The following SYN3 variants were observed in gnomAD, a reference collection of about 807,000 sequenced individuals.
The protein encoded by SYN3 is synapsin III.
In SYN3, 35 loss-of-function variants were observed where a neutral mutation model predicts 65.8. The observed-to-expected ratio is 0.53, with a 90% CI of 0.41 to 0.70. The LOEUF is 0.70. SYN3 is among the 30% of genes least tolerant of loss of function. The pLI is 0.00. For missense variants in SYN3, 680 were observed against 749.0 expected (o/e 0.91, Z 1.08); for synonymous variants, 270 against 292.9 (o/e 0.92, Z 0.80).
intron 7 of SYN3, among the ~76,000 whole-genome samples, chr22:32,575,165 C>T (rs2058834098): frequency 6.6e-6 from 1 of 152,322 alleles, no homozygotes; most frequent in South Asian, 2.1e-4. Flanking sequence ...AACAGCTCCA[C>T]TAGGATCTGT....
chr22:32,888,911 T>G (rs532987257), intron 4 of SYN3, among the ~76,000 whole-genome samples: 20 of 152,352 alleles, frequency 1.3e-4, no homozygotes, highest in African/African-American at 4.6e-4. Flanking sequence ...TGATCTCTAT[T>G]GCCCAGTTTA....
intron 6 of SYN3, chr22:32,857,887 TA>T: frequency 7.1e-7 from 1 of 1,409,976 alleles, no homozygotes; most frequent in Non-Finnish European, 1.0e-6. Flanking sequence ...TAGGGTGAAA[TA>T]AAATCATGGG....
intron 6 of SYN3, among the ~76,000 whole-genome samples, chr22:32,671,664 C>G (rs2060369267): frequency 6.7e-6 from 1 of 149,826 alleles, no homozygotes; most frequent in African/African-American, 2.5e-5. Context: ...CACACGCTGT[C>G]ACACACGCTC....
chr22:32,879,533 G>C (rs1050630859), intron 4 of SYN3, among the ~76,000 whole-genome samples: 5 of 152,128 alleles, frequency 3.3e-5, no homozygotes, highest in Non-Finnish European at 7.3e-5. Flanking sequence ...AAGGGGGAAG[G>C]GAGCTCTCTC....
chr22:32,858,307 G>C (rs1363164271), intron 6 of SYN3, among the ~76,000 whole-genome samples: 1 of 152,198 alleles, frequency 6.6e-6, no homozygotes, highest in African/African-American at 2.4e-5. Flanking sequence ...TGTTGCCCCA[G>C]GTGGGGCAGT....
chr22:32,663,116 G>A (rs1724319807), intron 6 of SYN3, among the ~76,000 whole-genome samples: 1 of 152,146 alleles, frequency 6.6e-6, no homozygotes, highest in Admixed American at 6.5e-5. Context: ...GCATCCAGAA[G>A]TGAAATAAAA....
At chr22:32,556,807 T>G (rs1347845238) in intron 7 of SYN3, among the ~76,000 whole-genome samples, 450 of 29,410 alleles carry the variant, frequency 0.015, 93 homozygotes, top group African/African-American at 0.04. Flanking sequence ...TTTCCTGGTT[T>G]TTTTTTTTTT....
chr22:32,795,756 G>A (rs1375582685), intron 6 of SYN3, among the ~76,000 whole-genome samples: 1 of 152,206 alleles, frequency 6.6e-6, no homozygotes, highest in East Asian at 1.9e-4. Context: ...TATAGATGGA[G>A]AGGTAGAAAG....
intron 6 of SYN3, among the ~76,000 whole-genome samples, chr22:32,855,187 G>C (rs956203287): frequency 6.6e-6 from 1 of 152,200 alleles, no homozygotes; most frequent in African/African-American, 2.4e-5. Flanking sequence ...GCAACACCTT[G>C]GTGCCCCACC....
In SYN3 at chr22:32,590,012, T is replaced by C. The variant is rs80320769; in HGVS notation, c.774+6662A>G. Among the ~76,000 whole-genome samples the C allele has an allele frequency of 3.2e-3, 483 of 152,296 alleles. 3 individuals are homozygous for C. The highest frequency in any genetic ancestry group is 0.011 in the African/African-American group (459 of 41,564). ...ATTTTTAAAATCTTATTTTGAAATA[T>C]AGCACAACTATGAAGAAGGGCAAAA... is the stretch of plus-strand genomic sequence containing the variant. On this transcript the variant is annotated intron_variant, in intron 7 of 13. Transcript: ENST00000358763.
chr22:32,900,392 C>A (rs2049724406), intron 4 of SYN3, among the ~76,000 whole-genome samples: 1 of 152,212 alleles, frequency 6.6e-6, no homozygotes, highest in South Asian at 2.1e-4. Context: ...TCCTGACAAA[C>A]TTCTGTTCAT....
intron 6 of SYN3, among the ~76,000 whole-genome samples, chr22:32,800,899 G>T (rs1188620601): frequency 2.0e-5 from 3 of 152,092 alleles, no homozygotes; most frequent in Non-Finnish European, 4.4e-5. Context: ...CCTTACTATC[G>T]CAGAGAGAGC....
intron 7 of SYN3, among the ~76,000 whole-genome samples, chr22:32,551,006 G>A (rs145139145): frequency 6.6e-6 from 1 of 152,320 alleles, no homozygotes; most frequent in East Asian, 1.9e-4. Flanking sequence ...ATGACAAAAA[G>A]ATCATTGGTC....
At chr22:32,725,991 C>T (rs996519808) in intron 6 of SYN3, among the ~76,000 whole-genome samples, 1 of 152,162 alleles carries the variant, frequency 6.6e-6, no homozygotes, top group African/African-American at 2.4e-5. Context: ...CTGGCTCCTT[C>T]CTGGTACATG....
chr22:33,018,871 T>A (rs1216329104), intron 1 of SYN3, among the ~76,000 whole-genome samples: 1 of 152,206 alleles, frequency 6.6e-6, no homozygotes, highest in East Asian at 1.9e-4. Flanking sequence ...TTGCTCCTCC[T>A]TAACCCTGGT....
chr22:32,869,614 C>T (rs893959003), intron 4 of SYN3, among the ~76,000 whole-genome samples: 2 of 151,002 alleles, frequency 1.3e-5, no homozygotes, highest in African/African-American at 4.9e-5. Context: ...TGCAGAGAGG[C>T]AGCAGGGCCA....
chr22:32,972,406 G>A (rs1046442641), intron 3 of SYN3, among the ~76,000 whole-genome samples: 1 of 152,146 alleles, frequency 6.6e-6, no homozygotes, highest in Admixed American at 6.5e-5. Context: ...TAAGGAGAAA[G>A]GCATGTGTAG....
At chr22:32,644,000 C>A (rs1202167826) in intron 6 of SYN3, among the ~76,000 whole-genome samples, 1 of 142,378 alleles carries the variant, frequency 7.0e-6, no homozygotes, top group Admixed American at 7.7e-5. Context: ...ATCGCTTGAA[C>A]CCAGGAGGTG....
rs530278749 is a variant in SYN3 at position 32,596,415 on chromosome 22, C to T, written c.774+259G>A. On this transcript the variant is annotated intron_variant, in intron 7 of 13. Coordinates refer to ENST00000358763, the MANE Select transcript of SYN3 (RefSeq NM_003490.4). ...TGCTCTACATCTCTTTCTCTTCAGT[C>T]GCAATCATAGAGAATGATTAGTTAG... 3.9e-5 allele frequency among the ~76,000 whole-genome samples: 6 copies of T among 152,266 alleles called. No individual in the cohort carries two copies. The East Asian group carries it at 5.8e-4, about 15-fold the overall frequency.
Sources: allele counts gnomAD v4.1 joint callset (sites outside exome capture counted in the v4.1 genomes callset), GRCh38; gene constraint gnomAD v4.1.1; transcripts MANE v1.5; gene names NCBI Gene and HGNC (gene_info 2026-07-23, HGNC 2026-07-21).